Variants in CD2BP2 observed in about 807,000 individuals in gnomAD.
CD2BP2 encodes the protein CD2 antigen cytoplasmic tail-binding protein 2.
A neutral mutation model predicts 35.9 loss-of-function variants in CD2BP2; 27 were observed. The observed-to-expected ratio is 0.75, with a 90% CI of 0.55 to 1.04. The LOEUF is 1.04. CD2BP2 is among the 50% of genes least tolerant of loss of function. The pLI is 0.00. For synonymous variants in CD2BP2, 213 were observed against 173.5 expected (o/e 1.23, Z -1.79); for missense variants, 497 against 444.3 (o/e 1.12, Z -1.07).
Position 30,353,583 on chromosome 16 carries a change from C to T in CD2BP2, c.593G>A (p.Arg198His), listed in dbSNP as rs754542107. Residue 198 changes from arginine to histidine, a missense_variant, in exon 5 of 7, where the codon CGC becomes CAC. Transcript: ENST00000305596. Reference sequence around the variant, plus strand: ...GGCCAACCCGGAGAGCCGGTCCAGGCGCTGAGGGGAACTGGGTTGCCCAGG... The same window carrying T: ...GGCCAACCCGGAGAGCCGGTCCAGGTGCTGAGGGGAACTGGGTTGCCCAGG... Reference protein sequence around the residue: ...KGPGQPSSPQRLDRLSGLADQ... With the variant: ...KGPGQPSSPQHLDRLSGLADQ... 155 of 1,613,972 alleles carry T rather than the reference C, an allele frequency of 9.6e-5. No individual in the cohort carries two copies. The highest frequency in any genetic ancestry group is 1.3e-4 in the Admixed American group (8 of 60,010).
At position 30,351,825 on chromosome 16, in the gene CD2BP2, C is replaced by G. The variant is rs757075591; in HGVS notation, c.*1160G>C. 1 of 152,628 alleles carries G rather than the reference C, an allele frequency of 6.6e-6. No homozygotes were observed. Among genetic ancestry groups the G allele is most frequent in the Admixed American group, 6.5e-5 (1 of 15,270 alleles). 9.5% of individuals were successfully genotyped at this position (152,628 alleles called of 1,614,324 possible). ...TCGGCCTGGCTGCAAGCTGAAAACA[C>G]CTGGGGGCTTCCAAAATGCCCAATG... On this transcript the variant is annotated 3_prime_UTR_variant, in exon 7 of 7. Coordinates refer to ENST00000305596, the MANE Select transcript of CD2BP2 (RefSeq NM_006110.3).
At position 30,352,943 on chromosome 16, in the gene CD2BP2, G is replaced by C; in HGVS notation, c.*42C>G. 3 of 1,290,792 alleles carry C rather than the reference G, an allele frequency of 2.3e-6. No homozygotes were observed. The highest frequency in any genetic ancestry group is 3.4e-6 in the Non-Finnish European group (3 of 885,532). The allele number at this position is 1,290,792 out of a possible 1,614,324, so 80.0% of individuals were successfully genotyped here. A position where few individuals can be genotyped will look rare whatever the true frequency, so the allele number is the denominator to read the frequency against. ...AGACACTTGGTGCCTCCTCCACAAAGTCCAGGAAAGAAGGGCCCACCAAAC... is the reference window on the plus strand; with the variant it reads ...AGACACTTGGTGCCTCCTCCACAAACTCCAGGAAAGAAGGGCCCACCAAAC... On this transcript the variant is annotated 3_prime_UTR_variant, in exon 7 of 7. Transcript: ENST00000305596.
intron 1 of CD2BP2, 106 bp downstream of exon 1, chr16:30,355,106 C>T (rs73532574): frequency 1.7e-5 from 4 of 236,458 alleles, no homozygotes; most frequent in Non-Finnish European, 3.4e-5. Flanking sequence ...CCCCGTTCCT[C>T]CCTGCTCCGA....
At position 30,353,781 on chromosome 16, in the gene CD2BP2, G is replaced by T. The variant is rs766869264; in HGVS notation, c.395C>A (p.Pro132Gln). ...GTCTGAGGCCTGGCGCTGGCCAGGT[G>T]GCCGCTCCCGGATCTTCACCTGTAA... ...NIDWVKIRER[P>Q]PGQRQASDSE... Residue 132 changes from proline to glutamine, a missense_variant, in exon 5 of 7, where the codon CCA (proline) becomes CAA (glutamine). Coordinates refer to ENST00000305596, the MANE Select transcript of CD2BP2 (RefSeq NM_006110.3). 8 of 1,602,540 alleles carry T rather than the reference G, an allele frequency of 5.0e-6. No homozygotes were observed. The African/African-American group carries it at 1.1e-4, about 21-fold the overall frequency.
rs984107625 is a variant in CD2BP2, at chr16:30,355,293, C to A, written c.-108G>T. 2 of 152,462 alleles carry A rather than the reference C, an allele frequency of 1.3e-5. No homozygotes were observed. The highest frequency in any genetic ancestry group is 2.9e-5 in the Non-Finnish European group (2 of 68,142). 9.4% of individuals were successfully genotyped at this position (152,462 alleles called of 1,614,324 possible). ...CATCCGGGGCACCCGGCCGCCATCA[C>A]CCGGAAGAGGACTGCGGAAGGCGCC... On this transcript the variant is annotated 5_prime_UTR_variant, in exon 1 of 7. Coordinates refer to ENST00000305596, the MANE Select transcript of CD2BP2 (RefSeq NM_006110.3).
intron 1 of CD2BP2, 116 bp downstream of exon 1, chr16:30,355,096 C>A: frequency 4.1e-6 from 1 of 243,280 alleles, no homozygotes; most frequent in Non-Finnish European, 8.2e-6. Context: ...GCTCTCGCCA[C>A]CCCGTTCCTC....
At position 30,350,865 on chromosome 16, in the gene CD2BP2, G is replaced by T. The variant is rs2151096322; in HGVS notation, c.*2120C>A. On this transcript the variant is annotated 3_prime_UTR_variant, in exon 7 of 7. Transcript: ENST00000305596. Reference sequence around the variant, plus strand: ...GCTGAAGTCTTGTCAGTGCGGCTTTGTTTCTCCACGGAGGCTCTGGGGCAG... The same window carrying T: ...GCTGAAGTCTTGTCAGTGCGGCTTTTTTTCTCCACGGAGGCTCTGGGGCAG... 6.6e-6 allele frequency: 1 copy of T among 152,570 alleles called. No individual in the cohort carries two copies. The highest frequency in any genetic ancestry group is 2.1e-4 in the South Asian group (1 of 4,826). 9.5% of individuals were successfully genotyped at this position (152,570 alleles called of 1,614,324 possible).
In CD2BP2 at chr16:30,350,851, G is replaced by T. The variant is rs944361594; in HGVS notation, c.*2134C>A. 6.6e-6 allele frequency: 1 copy of T among 152,526 alleles called. No individual in the cohort carries two copies. Among genetic ancestry groups the T allele is most frequent in the South Asian group, 2.1e-4 (1 of 4,826 alleles). 9.4% of individuals were successfully genotyped at this position (152,526 alleles called of 1,614,324 possible). The stretch of plus-strand genomic sequence containing the variant: ...ATGGTTTTCACCAGGCTGAAGTCTT[G>T]TCAGTGCGGCTTTGTTTCTCCACGG... On this transcript the variant is annotated 3_prime_UTR_variant, in exon 7 of 7. Coordinates refer to ENST00000305596, the MANE Select transcript of CD2BP2 (RefSeq NM_006110.3).
At position 30,353,596 on chromosome 16, in the gene CD2BP2, TG is replaced by T; in HGVS notation, c.579del (p.Ser194ValfsTer36). On this transcript the variant is annotated frameshift_variant, in exon 5 of 7. Coordinates refer to ENST00000305596, the MANE Select transcript of CD2BP2 (RefSeq NM_006110.3). LOFTEE classifies it high-confidence loss of function. The stretch of plus-strand genomic sequence containing the variant: ...AGCCGGTCCAGGCGCTGAGGGGAAC[TG>T]GGTTGCCCAGGCCCCTTTCTCCCTT... ...GGKGRKGPGQ[P>X]SSPQRLDRLS... 6.2e-7 allele frequency: 1 copy of T among 1,614,010 alleles called. No individual in the cohort carries two copies. The highest frequency in any genetic ancestry group is 2.2e-5 in the East Asian group (1 of 44,878).
intron 2 of CD2BP2, 48 bp from the exon 3 acceptor site, chr16:30,354,370 T>TCC: frequency 6.3e-7 from 1 of 1,585,270 alleles, no homozygotes; most frequent in Non-Finnish European, 8.6e-7. Flanking sequence ...ACTGGCTACC[T>TCC]CCCCAAATAC....
In CD2BP2 at chr16:30,353,515, T is replaced by C; in HGVS notation, c.661A>G (p.Thr221Ala). ...ARGNLGVYQETRERLAMRLKG... is the reference protein window; with the variant it reads ...ARGNLGVYQEARERLAMRLKG... ...AGACGCATAGCCAACCGTTCCCTTG[T>C]TTCCTGGTACACACCAAGGTTGCCC... Residue 221 changes from threonine (T) to alanine (A), a missense_variant, in exon 5 of 7, where the codon ACA becomes GCA. By Grantham distance (58) the Thr-to-Ala change is moderately conservative (BLOSUM62 0). Transcript: ENST00000305596. The C allele has an allele frequency of 6.2e-7, 1 of 1,614,192 alleles. No homozygotes were observed. The highest frequency in any genetic ancestry group is 8.5e-7 in the Non-Finnish European group (1 of 1,180,026).
In CD2BP2 at chr16:30,353,644, G is replaced by A; in HGVS notation, c.532C>T (p.Leu178=). 6.2e-7 allele frequency: 1 copy of A among 1,613,540 alleles called. No homozygotes were observed. Among genetic ancestry groups the A allele is most frequent in the Non-Finnish European group, 8.5e-7 (1 of 1,179,860 alleles). The change falls in exon 5 of 7, where the codon CTG becomes TTG. Residue 178 remains leucine (L), a synonymous_variant. Coordinates refer to ENST00000305596, the MANE Select transcript of CD2BP2 (RefSeq NM_006110.3). ...CCTTTGCCTCCTCCTCGGGCCCCCA[G>A]ACGCCTCAGTGCCCCAGCCACTGTC... ...RETVAGALRR[L]GARGGGKGRK... is the part of the protein sequence containing the mutation.
Position 30,354,589 on chromosome 16 carries a change from G to A in CD2BP2, c.78+15C>T, listed in dbSNP as rs2151098048. The A allele has an allele frequency of 6.2e-7, 1 of 1,611,992 alleles. No individual in the cohort carries two copies. The highest frequency in any genetic ancestry group is 8.5e-7 in the Non-Finnish European group (1 of 1,178,222). On this transcript the variant is annotated intron_variant, in intron 2 of 6. Coordinates refer to ENST00000305596, the MANE Select transcript of CD2BP2 (RefSeq NM_006110.3). The stretch of plus-strand genomic sequence containing the variant: ...GCTCCTCTTTCCCCCACACAAAGCA[G>A]TCTGGCCCCCTCACCTTCTTCTTGG...
chr16:30,354,896 A>G (rs2049522609), intron 1 of CD2BP2, 189 bp from the exon 2 acceptor site: 1 of 576,160 alleles, frequency 1.7e-6, no homozygotes, highest in Non-Finnish European at 3.1e-6. Flanking sequence ...CGCGAGTTAA[A>G]CGGGGCGGGG....
chr16:30,352,814 G>A lies in CD2BP2; in HGVS notation c.*171C>T, dbSNP rs2049493104. 2 of 609,300 alleles carry A rather than the reference G, an allele frequency of 3.3e-6. No individual in the cohort carries two copies. Among genetic ancestry groups the A allele is most frequent in the Non-Finnish European group, 5.9e-6 (2 of 340,688 alleles). The allele number at this position is 609,300 out of a possible 1,614,324, so 37.7% of individuals were successfully genotyped here. ...CAAAGGGACTGTGGAGAAGGCCCCT[G>A]GCTTCTGGCCATCAGCACAGCCAAG... On this transcript the variant is annotated 3_prime_UTR_variant, in exon 7 of 7. Transcript: ENST00000305596.
chr16:30,354,829 G>A (rs1596978897), intron 1 of CD2BP2, 122 bp from the exon 2 acceptor site: 4 of 750,996 alleles, frequency 5.3e-6, no homozygotes, highest in Non-Finnish European at 9.2e-6. Context: ...GAGCACAAAA[G>A]CAGGGGCCGA....
chr16:30,354,783 T>C (rs2151098203), intron 1 of CD2BP2, 76 bp from the exon 2 acceptor site: 5 of 1,039,448 alleles, frequency 4.8e-6, no homozygotes, highest in Non-Finnish European at 6.1e-6. Context: ...CAAACATTTT[T>C]CCTGGTCTGT....
chr16:30,353,732 G>T lies in CD2BP2; in HGVS notation c.444C>A (p.Gly148=). 1.2e-6 allele frequency: 2 copies of T among 1,611,664 alleles called. No homozygotes were observed. Residue 148 remains glycine (G), a synonymous_variant, in exon 5 of 7, where the codon GGC becomes GGA. Coordinates refer to ENST00000305596, the MANE Select transcript of CD2BP2 (RefSeq NM_006110.3). ...GGGCTTGGGCACTCATTGAGGTCTG[G>T]CCCAAGCTGTCCTCCTCCTCCGAGT... ...ASDSEEEDSL[G]QTSMSAQALL...
intron 2 of CD2BP2, 26 bp from the exon 3 acceptor site, chr16:30,354,348 GA>G: frequency 6.2e-7 from 1 of 1,603,124 alleles, no homozygotes; most frequent in Non-Finnish European, 8.5e-7. Flanking sequence ...AGAAAGTTGA[GA>G]AATGCAGGTT....
Sources: allele counts gnomAD v4.1 joint callset, GRCh38; gene constraint gnomAD v4.1.1; transcripts MANE v1.5; gene names NCBI Gene and HGNC (gene_info 2026-07-23, HGNC 2026-07-21).